PCDHA3: variants seen among roughly 807,000 people sequenced by gnomAD.
PCDHA3 encodes the protein protocadherin alpha 3.
A neutral mutation model predicts 62.2 loss-of-function variants in PCDHA3; 41 were observed. The observed-to-expected ratio is 0.66, with a 90% CI of 0.51 to 0.86. The LOEUF is 0.86. PCDHA3 is among the 40% of genes least tolerant of loss of function. The pLI is 0.00. For missense variants in PCDHA3, 1,304 were observed against 1,241.2 expected (o/e 1.05, Z -0.76); for synonymous variants, 640 against 555.4 (o/e 1.15, Z -2.14).
intron 1 of PCDHA3, chr5:140,967,956 A>C: frequency 6.2e-7 from 1 of 1,614,172 alleles, no homozygotes; most frequent in Non-Finnish European, 8.5e-7. Context: ...TCAGGCCCCA[A>C]CCGGAAAGTG....
intron 3 of PCDHA3, among the ~76,000 whole-genome samples, chr5:140,991,572 G>A (rs782016422): frequency 1.3e-4 from 20 of 152,144 alleles, no homozygotes; most frequent in Non-Finnish European, 2.9e-4. Flanking sequence ...TCCAATAACA[G>A]GCTCCTTATT....
At chr5:140,869,233 T>C in intron 1 of PCDHA3, 1 of 1,613,700 alleles carries the variant, frequency 6.2e-7, no homozygotes, top group Non-Finnish European at 8.5e-7. Context: ...ACACGGCACC[T>C]TCGTGGGCCG....
At chr5:140,884,396 C>G in intron 1 of PCDHA3, 1 of 1,614,012 alleles carries the variant, frequency 6.2e-7, no homozygotes, top group Non-Finnish European at 8.5e-7. Flanking sequence ...GGTGTCCAGC[C>G]TGTTGGTGCT....
intron 1 of PCDHA3, among the ~76,000 whole-genome samples, chr5:140,973,304 C>G (rs1252823783): frequency 6.6e-6 from 1 of 152,126 alleles, no homozygotes; most frequent in Non-Finnish European, 1.5e-5. Context: ...TCTGATGACT[C>G]TATCCTGGAA....
intron 1 of PCDHA3, among the ~76,000 whole-genome samples, chr5:140,837,617 C>A (rs1249058339): frequency 6.8e-6 from 1 of 146,230 alleles, no homozygotes; most frequent in Non-Finnish European, 1.5e-5. Flanking sequence ...TAATTTGCCC[C>A]TTCCTTCCTT....
At chr5:140,821,371 A>G (rs1405228557) in intron 1 of PCDHA3, among the ~76,000 whole-genome samples, 1 of 152,222 alleles carries the variant, frequency 6.6e-6, no homozygotes, top group Non-Finnish European at 1.5e-5. Flanking sequence ...TTTCTGTAAT[A>G]TTTTAATGAC....
In PCDHA3 at chr5:141,010,294, C is replaced by T. The variant is rs545906858; in HGVS notation, c.*357C>T. ...TCCTGTCTTGATGACACTTGCAGGG[C>T]AGGCTGAAAAGTTTTGAGATTGAGC... On this transcript the variant is annotated 3_prime_UTR_variant, in exon 4 of 4. Coordinates refer to ENST00000522353, the MANE Select transcript of PCDHA3 (RefSeq NM_018906.3). 3.2e-6 allele frequency: 5 copies of T among 1,549,782 alleles called. No homozygotes were observed. Among genetic ancestry groups the T allele is most frequent in the Non-Finnish European group, 4.4e-6 (5 of 1,146,446 alleles).
intron 1 of PCDHA3, among the ~76,000 whole-genome samples, chr5:140,912,045 C>T (rs1276989293): frequency 2.0e-5 from 3 of 152,196 alleles, no homozygotes; most frequent in African/African-American, 4.8e-5. Flanking sequence ...AGTCCCAAAG[C>T]TGAAGAACTT....
chr5:140,823,999 A>G, intron 1 of PCDHA3: 1 of 1,614,146 alleles, frequency 6.2e-7, no homozygotes, highest in Non-Finnish European at 8.5e-7. Context: ...GTTGTGCTCC[A>G]GCGCGGTGGG....
At chr5:140,887,767 A>G (rs782237653) in intron 1 of PCDHA3, among the ~76,000 whole-genome samples, 6 of 152,194 alleles carry the variant, frequency 3.9e-5, no homozygotes, top group African/African-American at 7.2e-5. Context: ...CATATGTTAC[A>G]ATGACACAGG....
At chr5:140,942,600 T>A (rs943278532) in intron 1 of PCDHA3, among the ~76,000 whole-genome samples, 2 of 132,144 alleles carry the variant, frequency 1.5e-5, no homozygotes, top group African/African-American at 6.2e-5. Flanking sequence ...ATAATTATAG[T>A]GTTTATATTT....
intron 1 of PCDHA3, among the ~76,000 whole-genome samples, chr5:140,899,663 C>T (rs1583349850): frequency 1.3e-5 from 2 of 152,176 alleles, no homozygotes; most frequent in African/African-American, 4.8e-5. Flanking sequence ...TGTCTCTGCC[C>T]GGCTTTGGTA....
At chr5:140,917,014 T>C (rs1272670553) in intron 1 of PCDHA3, among the ~76,000 whole-genome samples, 1 of 152,168 alleles carries the variant, frequency 6.6e-6, no homozygotes, top group Non-Finnish European at 1.5e-5. Context: ...TCTCCCTTCA[T>C]GTGCAGCTGC....
At chr5:140,806,853 G>C (rs3756337) in intron 1 of PCDHA3, 133,484 of 296,122 alleles carry the variant, frequency 0.45, 31,281 homozygotes, top group South Asian at 0.54. Context: ...CAATCAATCA[G>C]TGGTACAATG....
chr5:140,835,883 C>G lies in PCDHA3; in HGVS notation c.2394+32292C>G, dbSNP rs2150247387. On this transcript the variant is annotated intron_variant, in intron 1 of 3. Transcript: ENST00000522353. ...ACTCGCTGGTGGAGCTGCGGGTGGG[C>G]GAGCGCGCGCTGTCGAGCTACGTGT... 3.1e-6 allele frequency: 5 copies of G among 1,611,944 alleles called. No homozygotes were observed. In the Admixed American group the frequency reaches 5.0e-5, roughly 16 times the overall value.
intron 1 of PCDHA3, chr5:140,968,473 G>T (rs1389339011): frequency 6.2e-7 from 1 of 1,613,980 alleles, no homozygotes; most frequent in African/African-American, 1.3e-5. Context: ...ACGTATATGT[G>T]GTGGACATGA....
chr5:140,968,355 G>C lies in PCDHA3; in HGVS notation c.2395-10594G>C. On this transcript the variant is annotated intron_variant, in intron 1 of 3. Transcript: ENST00000522353. ...GTCTCCATTAACAGTGCCAGTGGCA[G>C]CCTTTATGCTGTCAACTCCTTTGAC... 1 of 1,614,080 alleles carries C rather than the reference G, an allele frequency of 6.2e-7. No individual in the cohort carries two copies. The highest frequency in any genetic ancestry group is 8.5e-7 in the Non-Finnish European group (1 of 1,180,010).
chr5:140,949,659 T>A (rs940241933), intron 1 of PCDHA3, among the ~76,000 whole-genome samples: 12 of 151,994 alleles, frequency 7.9e-5, no homozygotes, highest in Middle Eastern at 6.8e-3. Context: ...TACTTTTGTT[T>A]CTTTAAAGTA....
chr5:140,890,528 C>T (rs1329794711), intron 1 of PCDHA3, among the ~76,000 whole-genome samples: 3 of 152,060 alleles, frequency 2.0e-5, no homozygotes, highest in South Asian at 2.1e-4. Flanking sequence ...CTTTGTTGAT[C>T]TTCTTTTGAA....
Sources: gnomAD v4.1 joint callset for allele counts (sites outside exome capture counted in the v4.1 genomes callset) on GRCh38, gnomAD v4.1.1 for gene constraint, MANE v1.5 for transcripts, NCBI Gene and HGNC (gene_info 2026-07-23, HGNC 2026-07-21) for gene names.